UBE4B: variants seen among roughly 807,000 people sequenced by gnomAD.
UBE4B encodes the protein ubiquitin conjugation factor E4 B.
A neutral mutation model predicts 148.1 loss-of-function variants in UBE4B; 27 were observed. That is an observed-to-expected ratio of 0.18 (90% confidence interval 0.13 to 0.25). The LOEUF is 0.25. UBE4B is among the 10% of genes least tolerant of loss of function. UBE4B has a pLI of 1.00. For synonymous variants in UBE4B, 596 were observed against 619.3 expected (o/e 0.96, Z 0.56); for missense variants, 1,170 against 1,662.4 (o/e 0.70, Z 5.15).
At chr1:10,146,614 A>G (rs1005377959) in intron 18 of UBE4B, among the ~76,000 whole-genome samples, 1 of 152,168 alleles carries the variant, frequency 6.6e-6, no homozygotes, top group Non-Finnish European at 1.5e-5. Flanking sequence ...TGGAATTCAG[A>G]CACTGATTGT....
intron 9 of UBE4B, among the ~76,000 whole-genome samples, chr1:10,120,712 C>T (rs944060262): frequency 6.6e-6 from 1 of 151,750 alleles, no homozygotes; most frequent in Non-Finnish European, 1.5e-5. Flanking sequence ...GTGGCACGCA[C>T]CTGTAATCCC....
At chr1:10,043,420 G>GTTTTT (rs1643847767) in intron 1 of UBE4B, among the ~76,000 whole-genome samples, 1 of 132,680 alleles carries the variant, frequency 7.5e-6, no homozygotes. Flanking sequence ...TTGAGATGCT[G>GTTTTT]CTTTTTTTTT....
At chr1:10,126,468 A>G (rs138636534) in intron 10 of UBE4B, among the ~76,000 whole-genome samples, 3 of 151,788 alleles carry the variant, frequency 2.0e-5, no homozygotes, top group African/African-American at 7.3e-5. Context: ...TAGAGCAACG[A>G]CTCCTGGAGA....
intron 1 of UBE4B, chr1:10,054,724 C>A: frequency 4.2e-6 from 1 of 236,798 alleles, no homozygotes; most frequent in Non-Finnish European, 8.5e-6. Context: ...GTAACACTTG[C>A]GGGGCATTTT....
chr1:10,103,486 G>T (rs929340914), intron 5 of UBE4B, among the ~76,000 whole-genome samples: 1 of 151,092 alleles, frequency 6.6e-6, no homozygotes, highest in African/African-American at 2.4e-5. Context: ...AGGCTGGAGT[G>T]CAGTGGCATG....
At chr1:10,049,465 C>A (rs999062786) in intron 1 of UBE4B, among the ~76,000 whole-genome samples, 12 of 152,074 alleles carry the variant, frequency 7.9e-5, no homozygotes, top group African/African-American at 2.7e-4. Context: ...AACACTGTAG[C>A]CAGACGCAAT....
At chr1:10,047,721 T>C (rs1473950830) in intron 1 of UBE4B, among the ~76,000 whole-genome samples, 2 of 152,064 alleles carry the variant, frequency 1.3e-5, no homozygotes, top group African/African-American at 4.8e-5. Context: ...CTCGATCTCC[T>C]GACCTCATGA....
At chr1:10,054,452 T>C in intron 1 of UBE4B, 1 of 403,938 alleles carries the variant, frequency 2.5e-6, no homozygotes, top group South Asian at 2.2e-5. Context: ...ATGCCATGAA[T>C]TCATAGGTAA....
chr1:10,106,428 G>C lies in UBE4B; in HGVS notation c.1041G>C (p.Leu347=), dbSNP rs1414912030. 1 of 1,613,752 alleles carries C rather than the reference G, an allele frequency of 6.2e-7. No individual in the cohort carries two copies. The highest frequency in any genetic ancestry group is 1.3e-5 in the African/African-American group (1 of 75,014). Residue 347 remains leucine, a synonymous_variant, in exon 7 of 28, where the codon CTG becomes CTC. Transcript: ENST00000343090. This position sits in a 1 kb window ranked among gnomAD's most constrained non-coding sequence, Gnocchi z 4.2. ...HPWASSGVSI[L]SSSPSPPALA... ...GGGCGTCCTCAGGCGTCTCCATTCT[G>C]TCGAGCTCCCCAAGTCCCCCTGCCC...
At chr1:10,091,617 T>C (rs1211334529) in intron 2 of UBE4B, among the ~76,000 whole-genome samples, 3 of 152,092 alleles carry the variant, frequency 2.0e-5, no homozygotes, top group Non-Finnish European at 4.4e-5. Flanking sequence ...ATTTTTATTT[T>C]TTTTTTAAGA....
chr1:10,072,251 T>C (rs777031955), intron 2 of UBE4B, 37 bp downstream of exon 2: 9 of 1,591,682 alleles, frequency 5.7e-6, no homozygotes, highest in Non-Finnish European at 7.7e-6. Context: ...TCTTTTGTAA[T>C]TCTTCTTAGC....
chr1:10,063,310 C>T (rs1388492840), intron 1 of UBE4B, among the ~76,000 whole-genome samples: 1 of 152,074 alleles, frequency 6.6e-6, no homozygotes, highest in Non-Finnish European at 1.5e-5. Flanking sequence ...ACCTGTAGGA[C>T]ATTTTTGGTT....
At chr1:10,114,728 G>A (rs1023950634) in intron 7 of UBE4B, among the ~76,000 whole-genome samples, 3 of 152,076 alleles carry the variant, frequency 2.0e-5, no homozygotes, top group Admixed American at 6.6e-5. Flanking sequence ...GCTGTACATG[G>A]TGGCGAGCGC....
At chr1:10,137,435 C>G (rs912948370) in intron 17 of UBE4B, among the ~76,000 whole-genome samples, 10 of 152,162 alleles carry the variant, frequency 6.6e-5, no homozygotes, top group Non-Finnish European at 1.2e-4. Context: ...GGATATTTCA[C>G]TCTGTTTATG....
At chr1:10,171,522 G>C (rs1341921495) in intron 25 of UBE4B, among the ~76,000 whole-genome samples, 193 bp downstream of exon 25, 1 of 152,258 alleles carries the variant, frequency 6.6e-6, no homozygotes. Context: ...AAGGCAGGGG[G>C]ATTGCTTGAG....
chr1:10,051,162 TC>T (rs1164633965), intron 1 of UBE4B, among the ~76,000 whole-genome samples: 5 of 152,236 alleles, frequency 3.3e-5, no homozygotes, highest in Non-Finnish European at 2.9e-5. Flanking sequence ...ATGCCACTGT[TC>T]CTGGCTCTTA....
chr1:10,174,856 G>A (rs1467763411), intron 25 of UBE4B, among the ~76,000 whole-genome samples: 1 of 152,138 alleles, frequency 6.6e-6, no homozygotes, highest in African/African-American at 2.4e-5. Context: ...GCAGGGGGCG[G>A]TAAGTGCAGA....
At chr1:10,131,723 C>G (rs1419770677) in intron 14 of UBE4B, among the ~76,000 whole-genome samples, 1 of 151,922 alleles carries the variant, frequency 6.6e-6, no homozygotes, top group African/African-American at 2.4e-5. Context: ...TTGGCCAAGG[C>G]AGGTGGATCA....
At chr1:10,164,664 A>G (rs1282892514) in intron 23 of UBE4B, among the ~76,000 whole-genome samples, 1 of 152,184 alleles carries the variant, frequency 6.6e-6, no homozygotes, top group Non-Finnish European at 1.5e-5. Context: ...TAATTCCCAC[A>G]ATTGCTATTT....
Sources: gnomAD v4.1 joint callset for allele counts (sites outside exome capture counted in the v4.1 genomes callset) on GRCh38, gnomAD v4.1.1 for gene constraint, Gnocchi (gnomAD v3.1) non-coding constraint, MANE v1.5 for transcripts, NCBI Gene and HGNC (gene_info 2026-07-23, HGNC 2026-07-21) for gene names.